The following LRMDA variants were observed in gnomAD, a reference collection of about 807,000 sequenced individuals.
LRMDA encodes leucine rich melanocyte differentiation associated.
A neutral mutation model predicts 29.8 loss-of-function variants in LRMDA; 18 were observed. The ratio of observed to expected loss-of-function variants is 0.60; its 90% CI spans 0.42 to 0.90. The LOEUF is 0.90. Among genes scored for constraint, LRMDA ranks in the 40% least tolerant of loss-of-function variants. The pLI is 0.00. For synonymous variants in LRMDA, 125 were observed against 109.4 expected (o/e 1.14, Z -0.89); for missense variants, 273 against 273.9 (o/e 1.00, Z 0.02).
chr10:75,463,918 C>T (rs991718332), intron 2 of LRMDA, among the ~76,000 whole-genome samples: 3 of 152,122 alleles, frequency 2.0e-5, no homozygotes, highest in East Asian at 1.9e-4. Context: ...CCTCTCACCT[C>T]GGCCTCCCAA....
intron 5 of LRMDA, among the ~76,000 whole-genome samples, chr10:76,204,306 TTCCATGTGCCCATCCACCCATCTC>T (rs1426595009): frequency 4.3e-5 from 6 of 140,350 alleles, no homozygotes; most frequent in African/African-American, 8.1e-5. Context: ...CCCATCTCTA[TTCCATGTGCCCATCCACCCATCTC>T]TCCATGTGCC....
chr10:75,711,581 C>A (rs528004757), intron 2 of LRMDA, among the ~76,000 whole-genome samples: 6 of 151,972 alleles, frequency 3.9e-5, no homozygotes, highest in Non-Finnish European at 8.8e-5. Flanking sequence ...TTTTTCCACT[C>A]CAAGAGTAAA....
chr10:76,093,807 G>A (rs753243757), intron 5 of LRMDA, among the ~76,000 whole-genome samples: 1 of 152,078 alleles, frequency 6.6e-6, no homozygotes, highest in Non-Finnish European at 1.5e-5. Context: ...GAGGTCTCAC[G>A]TTCCCCCACC....
chr10:76,043,917 A>C (rs1189001673), intron 3 of LRMDA, among the ~76,000 whole-genome samples: 1 of 152,228 alleles, frequency 6.6e-6, no homozygotes, highest in Non-Finnish European at 1.5e-5. Flanking sequence ...CTAAGAGGAA[A>C]GTAGGTTTTG....
intron 5 of LRMDA, among the ~76,000 whole-genome samples, chr10:76,139,493 A>G (rs1314487226): frequency 1.3e-5 from 2 of 152,082 alleles, no homozygotes; most frequent in Admixed American, 6.6e-5. Flanking sequence ...TGATGTTTTG[A>G]TTTGGTAGCC....
chr10:76,173,029 TAAAGG>T lies in LRMDA; in HGVS notation c.516+114251_516+114255del, dbSNP rs576590288. On this transcript the variant is annotated intron_variant, in intron 5 of 6. Transcript: ENST00000611255. ...ACTCTATCCTGTATGCTCAAGAAGG[TAAAGG>T]AAAGCATGAAAGTGTTAAGAAGATA... is the stretch of plus-strand genomic sequence containing the variant. Among the ~76,000 whole-genome samples, 100 of 149,298 alleles carry T rather than the reference TAAAGG, an allele frequency of 6.7e-4. 1 individual carries two copies. The highest frequency in any genetic ancestry group is 1.5e-3 in the Admixed American group (23 of 14,922).
intron 2 of LRMDA, among the ~76,000 whole-genome samples, chr10:75,749,255 A>G (rs1365964507): frequency 6.6e-6 from 1 of 152,186 alleles, no homozygotes; most frequent in African/African-American, 2.4e-5. Flanking sequence ...TAATACATAT[A>G]ACATACAAAA....
At chr10:76,246,144 T>C (rs1420025187) in intron 5 of LRMDA, among the ~76,000 whole-genome samples, 1 of 152,136 alleles carries the variant, frequency 6.6e-6, no homozygotes, top group African/African-American at 2.4e-5. Flanking sequence ...AGGATTCCAA[T>C]CCAGCCCAAC....
chr10:75,485,938 G>T (rs1167905612), intron 2 of LRMDA, among the ~76,000 whole-genome samples: 1 of 151,994 alleles, frequency 6.6e-6, no homozygotes, highest in Non-Finnish European at 1.5e-5. Flanking sequence ...TGCTTTCCTT[G>T]TTTATTTTTA....
intron 2 of LRMDA, among the ~76,000 whole-genome samples, chr10:75,860,989 A>G (rs1453696199): frequency 1.3e-5 from 2 of 152,216 alleles, no homozygotes; most frequent in African/African-American, 2.4e-5. Flanking sequence ...TTATAGAAAT[A>G]AGGTTATAAG....
At chr10:76,136,622 A>AACC (rs139686120) in intron 5 of LRMDA, among the ~76,000 whole-genome samples, 1 of 151,704 alleles carries the variant, frequency 6.6e-6, no homozygotes, top group South Asian at 2.1e-4. Flanking sequence ...ATTAAAAAAA[A>AACC]AGCAAAAATG....
At chr10:76,091,492 G>T (rs1849231756) in intron 5 of LRMDA, among the ~76,000 whole-genome samples, 1 of 152,084 alleles carries the variant, frequency 6.6e-6, no homozygotes, top group African/African-American at 2.4e-5. Flanking sequence ...AAGTAAATGG[G>T]GTATCCTGGA....
intron 6 of LRMDA, among the ~76,000 whole-genome samples, chr10:76,411,603 C>T (rs551138889): frequency 6.0e-4 from 91 of 152,328 alleles, no homozygotes; most frequent in African/African-American, 2.2e-3. Flanking sequence ...GGCCAAAATT[C>T]TGCTTATGGC....
intron 2 of LRMDA, among the ~76,000 whole-genome samples, chr10:75,856,454 T>G (rs1274734060): frequency 6.6e-6 from 1 of 152,178 alleles, no homozygotes; most frequent in African/African-American, 2.4e-5. Context: ...GCAAACTGAA[T>G]CCAGCAGCAC....
chr10:75,878,518 T>C (rs990987316), intron 2 of LRMDA, among the ~76,000 whole-genome samples: 3 of 152,090 alleles, frequency 2.0e-5, no homozygotes, highest in Non-Finnish European at 4.4e-5. Flanking sequence ...TGGTGTCTGT[T>C]GGTGTGCTCT....
chr10:76,030,408 C>T (rs11001593), intron 2 of LRMDA, among the ~76,000 whole-genome samples: 11,656 of 151,894 alleles, frequency 0.077, 701 homozygotes, highest in East Asian at 0.24. Flanking sequence ...TATAGAGTTA[C>T]GTATCTATGT....
At chr10:75,552,439 C>G in intron 2 of LRMDA, 1 of 280,676 alleles carries the variant, frequency 3.6e-6, no homozygotes. Context: ...CCCCCTCTGG[C>G]TGCTTTCAGA....
chr10:76,243,792 A>G (rs549893542), intron 5 of LRMDA, among the ~76,000 whole-genome samples: 311 of 152,304 alleles, frequency 2.0e-3, no homozygotes, highest in Admixed American at 6.1e-3. Flanking sequence ...AAACTTTGCC[A>G]TAGTGGGTTG....
At chr10:75,847,785 A>G (rs2132307679) in intron 2 of LRMDA, among the ~76,000 whole-genome samples, 1 of 152,334 alleles carries the variant, frequency 6.6e-6, no homozygotes, top group East Asian at 1.9e-4. Context: ...AAATCAAAGA[A>G]GGTACCAATA....
Sources: allele counts gnomAD v4.1 joint callset (sites outside exome capture counted in the v4.1 genomes callset), GRCh38; gene constraint gnomAD v4.1.1; transcripts MANE v1.5; gene names NCBI Gene and HGNC (gene_info 2026-07-23, HGNC 2026-07-21).